Variants in RIMBP2 observed in about 807,000 individuals in gnomAD.
RIMBP2 encodes RIMS binding protein 2, also known as RIMS-binding protein 2.
A neutral mutation model predicts 118.6 loss-of-function variants in RIMBP2; 48 were observed. The observed-to-expected ratio is 0.40, with a 90% CI of 0.32 to 0.51. The LOEUF (loss-of-function observed/expected upper bound fraction) is 0.51, where lower values mean the gene tolerates loss of function less well. Among genes scored for constraint, RIMBP2 ranks in the 20% least tolerant of loss-of-function variants. The probability of loss-of-function intolerance (pLI) is 0.41; values close to 1 mark genes in which losing one functional copy is unlikely to be tolerated. For synonymous variants in RIMBP2, 762 were observed against 742.9 expected, an observed-to-expected ratio of 1.03 and a Z score of -0.42; for missense variants, 1,551 against 1,768.3, an observed-to-expected ratio of 0.88 and a Z score of 2.20.
At chr12:130,438,974 C>A (rs2077774618) in intron 11 of RIMBP2, among the ~76,000 whole-genome samples, 1 of 151,694 alleles carries the variant, frequency 6.6e-6, no homozygotes, top group Non-Finnish European at 1.5e-5. Flanking sequence ...CCCCCGCCCG[C>A]CCCTCATCCT....
intron 2 of RIMBP2, among the ~76,000 whole-genome samples, chr12:130,573,025 G>A (rs2057803926): frequency 1.3e-5 from 2 of 152,150 alleles, no homozygotes; most frequent in South Asian, 4.1e-4. Context: ...ACTGCTGGCT[G>A]CAGCCAAGCA....
At chr12:130,557,401 C>T (rs1050517924) in intron 2 of RIMBP2, among the ~76,000 whole-genome samples, 5 of 152,246 alleles carry the variant, frequency 3.3e-5, no homozygotes, top group African/African-American at 1.2e-4. Flanking sequence ...TCCCATCAGG[C>T]CATCTGAAAA....
At chr12:130,590,152 C>A (rs914265904) in intron 2 of RIMBP2, among the ~76,000 whole-genome samples, 22 of 152,176 alleles carry the variant, frequency 1.4e-4, no homozygotes, top group Admixed American at 6.5e-4. Context: ...CGGGGAAAGG[C>A]AAGTTTAGAG....
rs1230041396 is a variant in RIMBP2, at chr12:130,614,840, A to ATG, written c.-217+13481_-217+13482insCA. On this transcript the variant is annotated intron_variant, in intron 2 of 22. Coordinates refer to ENST00000690449, the MANE Select transcript of RIMBP2 (RefSeq NM_001393629.1). Reference sequence around the variant, plus strand: ...TTGAGTAAAACAAGTTATCAAATATATATATATAAAATACAGATATATAAA... The same window carrying ATG: ...TTGAGTAAAACAAGTTATCAAATATATGTATATATAAAATACAGATATATAAA... Among the ~76,000 whole-genome samples the ATG allele has an allele frequency of 9.3e-5, 14 of 150,758 alleles. No homozygotes were observed. In the East Asian group the frequency reaches 1.5e-3, roughly 17 times the overall value.
rs544929680 is a variant in RIMBP2 at position 130,442,455 on chromosome 12, G to A, written c.897C>T (p.Ala299=). Residue 299 remains alanine, a synonymous_variant, in exon 11 of 23, where the codon GCC becomes GCT. Coordinates refer to ENST00000690449, the MANE Select transcript of RIMBP2 (RefSeq NM_001393629.1). This position sits in a 1 kb window ranked among gnomAD's most constrained non-coding sequence, Gnocchi z 6.9. The part of the protein sequence containing the change: ...HIDAGITDNS[A]GTLDVNIDDI... ...CGTCGATGTTCACGTCCAGGGTCCC[G>A]GCACTGTTGTCGGTGATGCCCGCAT... 5.3e-5 allele frequency: 86 copies of A among 1,614,162 alleles called. No homozygotes were observed. The highest frequency in any genetic ancestry group is 6.7e-5 in the East Asian group (3 of 44,868).
chr12:130,550,941 G>A (rs932473913), intron 2 of RIMBP2, among the ~76,000 whole-genome samples: 1 of 152,212 alleles, frequency 6.6e-6, no homozygotes, highest in African/African-American at 2.4e-5. Context: ...AGTGGGTGCC[G>A]CACATTAACT....
intron 6 of RIMBP2, among the ~76,000 whole-genome samples, chr12:130,460,679 A>G (rs1178928697): frequency 6.6e-6 from 1 of 152,130 alleles, no homozygotes; most frequent in South Asian, 2.1e-4. Flanking sequence ...TAGCAGCAGC[A>G]GATGCAATAT....
intron 11 of RIMBP2, 120 bp from the exon 12 acceptor site, chr12:130,438,636 A>T (rs1213347261): frequency 1.5e-6 from 1 of 680,114 alleles, no homozygotes; most frequent in African/African-American, 1.9e-5. Flanking sequence ...CCAGGGAAAA[A>T]GAGAAGACAG....
chr12:130,566,281 G>GA (rs1427320799), intron 2 of RIMBP2, among the ~76,000 whole-genome samples: 20 of 152,106 alleles, frequency 1.3e-4, no homozygotes, highest in South Asian at 4.2e-4. Context: ...CAATAATAGA[G>GA]AAAGTGGAGC....
In RIMBP2 at chr12:130,420,434, A is replaced by G. The variant is rs927964782; in HGVS notation, c.3238+2019T>C. 2.0e-5 allele frequency among the ~76,000 whole-genome samples: 3 copies of G among 152,214 alleles called. No individual in the cohort carries two copies. Among genetic ancestry groups the G allele is most frequent in the African/African-American group, 7.2e-5 (3 of 41,452 alleles). Reference sequence around the variant, plus strand: ...TTGACATAGATTTGCTCTTTCACCCAATTTAACAAGTGTGCTACTGAAATT... The same window carrying G: ...TTGACATAGATTTGCTCTTTCACCCGATTTAACAAGTGTGCTACTGAAATT... On this transcript the variant is annotated intron_variant, in intron 17 of 22. Transcript: ENST00000690449. The surrounding 1 kb of genome is among the most constrained non-coding windows in gnomAD (Gnocchi z 4.3).
At chr12:130,438,304 G>A (rs1310605162) in intron 12 of RIMBP2, 61 bp downstream of exon 12, 5 of 1,583,522 alleles carry the variant, frequency 3.2e-6, no homozygotes, top group Non-Finnish European at 4.3e-6. Flanking sequence ...GCAAATACCG[G>A]GCCGGTCCCT....
At chr12:130,470,997 T>G (rs1304662492) in intron 5 of RIMBP2, among the ~76,000 whole-genome samples, 1 of 152,188 alleles carries the variant, frequency 6.6e-6, no homozygotes, top group Non-Finnish European at 1.5e-5. Context: ...GGTGATAAGC[T>G]TAGTAGCAGA....
At chr12:130,639,832 C>A (rs909398793) in intron 1 of RIMBP2, among the ~76,000 whole-genome samples, 2 of 152,244 alleles carry the variant, frequency 1.3e-5, no homozygotes, top group East Asian at 3.9e-4. Flanking sequence ...AAATTGAAAG[C>A]CGAGATGAAA....
Position 130,475,476 on chromosome 12 carries a change from T to C in RIMBP2, c.102+3436A>G, listed in dbSNP as rs930546670. ...AGGAAAAATAAACTCCTGCCTCACA[T>C]TGCACATCAAGAAAAACAACATTAT... is the stretch of plus-strand genomic sequence containing the variant. On this transcript the variant is annotated intron_variant, in intron 5 of 22. Transcript: ENST00000690449. This position sits in a 1 kb window ranked among gnomAD's most constrained non-coding sequence, Gnocchi z 4.1. Among the ~76,000 whole-genome samples, 1 of 152,050 alleles carries C rather than the reference T, an allele frequency of 6.6e-6. No homozygotes were observed. The highest frequency in any genetic ancestry group is 2.4e-5 in the African/African-American group (1 of 41,368).
intron 9 of RIMBP2, among the ~76,000 whole-genome samples, chr12:130,449,038 G>T (rs1055934736): frequency 6.6e-6 from 1 of 150,502 alleles, no homozygotes; most frequent in Non-Finnish European, 1.5e-5. Context: ...CTGCACTGAA[G>T]CTTGGTCCCT....
intron 8 of RIMBP2, among the ~76,000 whole-genome samples, 172 bp downstream of exon 8, chr12:130,451,023 C>A (rs994710785): frequency 2.6e-5 from 4 of 152,136 alleles, no homozygotes; most frequent in African/African-American, 4.8e-5. Flanking sequence ...GGGGCCCCCC[C>A]ACATTCCAGC....
chr12:130,646,203 C>T (rs1445641397), intron 1 of RIMBP2, among the ~76,000 whole-genome samples: 1 of 76,118 alleles, frequency 1.3e-5, no homozygotes, highest in Non-Finnish European at 3.1e-5. Context: ...ACTTCCCTCT[C>T]CACCTCCCTC....
intron 16 of RIMBP2, among the ~76,000 whole-genome samples, chr12:130,423,419 T>C (rs971816187): frequency 2.6e-5 from 4 of 152,202 alleles, no homozygotes; most frequent in African/African-American, 7.2e-5. Context: ...CCTGGCGCCA[T>C]GTGGATGGCT....
chr12:130,406,276 T>C, intron 20 of RIMBP2, 33 bp from the exon 21 acceptor site: 2 of 1,436,244 alleles, frequency 1.4e-6, no homozygotes, highest in Non-Finnish European at 2.0e-6. Context: ...TAATCGTATT[T>C]TTCTACACAA....
Sources: allele counts gnomAD v4.1 joint callset (sites outside exome capture counted in the v4.1 genomes callset), GRCh38; gene constraint gnomAD v4.1.1; non-coding constraint Gnocchi (gnomAD v3.1); transcripts MANE v1.5; gene names NCBI Gene and HGNC (gene_info 2026-07-23, HGNC 2026-07-21).